Variants in PIGK observed in about 807,000 individuals in gnomAD.
PIGK encodes the protein GPI-anchor transamidase.
Under a neutral mutation model 50.6 loss-of-function variants are expected in PIGK, and 42 were observed. The ratio of observed to expected loss-of-function variants is 0.83; its 90% CI spans 0.65 to 1.07. The LOEUF (loss-of-function observed/expected upper bound fraction) is 1.07. Ranked by LOEUF, PIGK falls within the 50% of genes least tolerant of loss-of-function variation. The probability of loss-of-function intolerance (pLI) is 0.00; values close to 1 mark genes in which losing one functional copy is unlikely to be tolerated. For synonymous variants in PIGK, 151 were observed against 156.0 expected, an observed-to-expected ratio of 0.97 and a Z score of 0.24; for missense variants, 448 against 488.7, an observed-to-expected ratio of 0.92 and a Z score of 0.78.
At chr1:77,185,116 T>A (rs940082772) in intron 3 of PIGK, among the ~76,000 whole-genome samples, 4 of 152,228 alleles carry the variant, frequency 2.6e-5, no homozygotes, top group South Asian at 2.1e-4. Flanking sequence ...GTACCTGGTA[T>A]GTAGCCACTG....
chr1:77,126,847 C>T (rs1394323643), intron 9 of PIGK, among the ~76,000 whole-genome samples: 4 of 152,080 alleles, frequency 2.6e-5, no homozygotes, highest in Non-Finnish European at 4.4e-5. Flanking sequence ...TAAAGTCATC[C>T]AAGTGTTCCT....
chr1:77,216,234 T>C (rs1235163921), intron 1 of PIGK, among the ~76,000 whole-genome samples: 1 of 152,128 alleles, frequency 6.6e-6, no homozygotes, highest in Non-Finnish European at 1.5e-5. Context: ...TTGTGCCAAT[T>C]AAAATATACA....
At chr1:77,162,777 T>C (rs1655157854) in intron 6 of PIGK, among the ~76,000 whole-genome samples, 1 of 152,074 alleles carries the variant, frequency 6.6e-6, no homozygotes, top group Non-Finnish European at 1.5e-5. Flanking sequence ...GAGACACAAT[T>C]AATATGACAC....
intron 1 of PIGK, among the ~76,000 whole-genome samples, chr1:77,212,092 T>C (rs1656434088): frequency 1.3e-5 from 2 of 152,102 alleles, no homozygotes; most frequent in Admixed American, 6.5e-5. Flanking sequence ...ACTTCACCAA[T>C]CTATTAAAGT....
intron 5 of PIGK, among the ~76,000 whole-genome samples, chr1:77,166,009 G>A (rs891354050): frequency 6.6e-5 from 10 of 152,058 alleles, no homozygotes; most frequent in Non-Finnish European, 8.8e-5. Context: ...CTGAAAAGAC[G>A]TCATAAGCAA....
chr1:77,150,372 T>C (rs1179070291), intron 9 of PIGK, among the ~76,000 whole-genome samples: 1 of 150,978 alleles, frequency 6.6e-6, no homozygotes, highest in African/African-American at 2.4e-5. Context: ...TAAAAAGAAA[T>C]TAGCCTGGTG....
chr1:77,097,364 C>T (rs992531962), intron 10 of PIGK, among the ~76,000 whole-genome samples: 1 of 152,286 alleles, frequency 6.6e-6, no homozygotes, highest in East Asian at 1.9e-4. Flanking sequence ...CATCTTCCAA[C>T]TGAAGTCTAG....
chr1:77,187,344 C>A (rs974929552), intron 3 of PIGK, among the ~76,000 whole-genome samples: 8 of 152,146 alleles, frequency 5.3e-5, no homozygotes, highest in African/African-American at 1.4e-4. Context: ...GAAGTGGCAC[C>A]ACTCATCATC....
intron 3 of PIGK, among the ~76,000 whole-genome samples, chr1:77,193,231 A>C (rs1488966969): frequency 1.4e-5 from 2 of 143,198 alleles, no homozygotes; most frequent in Non-Finnish European, 3.0e-5. Flanking sequence ...GTTAGCTGAC[A>C]GTGTGGCATG....
At chr1:77,156,478 C>A (rs1415688864) in intron 8 of PIGK, among the ~76,000 whole-genome samples, 7 of 152,124 alleles carry the variant, frequency 4.6e-5, no homozygotes, top group African/African-American at 1.7e-4. Flanking sequence ...ACAGAATGTC[C>A]TCACTCTAGC....
chr1:77,156,107 A>C (rs933262012), intron 8 of PIGK, among the ~76,000 whole-genome samples: 4 of 152,286 alleles, frequency 2.6e-5, no homozygotes, highest in African/African-American at 9.6e-5. Context: ...AATGCCAAAC[A>C]GGAATAACAG....
intron 9 of PIGK, among the ~76,000 whole-genome samples, chr1:77,145,310 C>G (rs1357040334): frequency 2.0e-5 from 3 of 151,788 alleles, no homozygotes; most frequent in African/African-American, 7.2e-5. Context: ...GCTTGTCAAT[C>G]TCTACCGAAA....
At chr1:77,169,231 T>C in intron 4 of PIGK, 29 bp downstream of exon 4, 2 of 1,423,580 alleles carry the variant, frequency 1.4e-6, no homozygotes, top group Middle Eastern at 1.8e-4. Flanking sequence ...AATGCCATTT[T>C]AAAAATGTGG....
intron 3 of PIGK, among the ~76,000 whole-genome samples, chr1:77,199,184 G>T (rs901690256): frequency 6.6e-6 from 1 of 151,916 alleles, no homozygotes; most frequent in Non-Finnish European, 1.5e-5. Flanking sequence ...CTTTTACCTT[G>T]TCACTGTTCT....
At chr1:77,170,595 C>T (rs1415155692) in intron 3 of PIGK, among the ~76,000 whole-genome samples, 2 of 152,202 alleles carry the variant, frequency 1.3e-5, no homozygotes, top group African/African-American at 2.4e-5. Flanking sequence ...ATCACTCATA[C>T]TACATACTAG....
chr1:77,189,816 T>G lies in PIGK; in HGVS notation c.239+16824A>C, dbSNP rs143941715. On this transcript the variant is annotated intron_variant, in intron 3 of 10. Transcript: ENST00000370812. ...ACATATACGTATATGTATATTTGATTAGTTCTGTCCCTCTAGAGAACCCTA... is the reference window on the plus strand; with the variant it reads ...ACATATACGTATATGTATATTTGATGAGTTCTGTCCCTCTAGAGAACCCTA... Among the ~76,000 whole-genome samples, 63 of 149,974 alleles carry G rather than the reference T, an allele frequency of 4.2e-4. 1 individual carries two copies. Among genetic ancestry groups the G allele is most frequent in the African/African-American group, 1.5e-3 (60 of 40,658 alleles).
intron 4 of PIGK, 53 bp downstream of exon 4, chr1:77,169,207 A>G: frequency 1.7e-6 from 2 of 1,173,498 alleles, no homozygotes; most frequent in Non-Finnish European, 2.4e-6. Flanking sequence ...ATTGTTTTAG[A>G]GCCTAAAAGT....
intron 10 of PIGK, among the ~76,000 whole-genome samples, chr1:77,119,927 G>A (rs112375028): frequency 0.026 from 4,027 of 152,034 alleles, 173 homozygotes; most frequent in African/African-American, 0.093. Context: ...TGTATACATA[G>A]TACAAAGCAA....
chr1:77,216,998 T>C (rs189816668), intron 1 of PIGK, among the ~76,000 whole-genome samples: 13 of 152,318 alleles, frequency 8.5e-5, no homozygotes, highest in East Asian at 3.9e-4. Flanking sequence ...CATTAATATA[T>C]AGTGATACAA....
Sources: gnomAD v4.1 joint callset for allele counts (sites outside exome capture counted in the v4.1 genomes callset) on GRCh38, gnomAD v4.1.1 for gene constraint, MANE v1.5 for transcripts, NCBI Gene and HGNC (gene_info 2026-07-23, HGNC 2026-07-21) for gene names.